KIDINS220: variants seen among roughly 807,000 people sequenced by gnomAD.
KIDINS220 encodes kinase D interacting substrate 220, also known as kinase D-interacting substrate of 220 kDa.
KIDINS220 carries 63 observed loss-of-function variants against 157.6 expected under a neutral mutation model. The ratio of observed to expected loss-of-function variants is 0.40; its 90% CI spans 0.33 to 0.49. The LOEUF is 0.49. Ranked by LOEUF, KIDINS220 falls within the 20% of genes least tolerant of loss-of-function variation. KIDINS220 has a pLI of 0.66. For missense variants in KIDINS220, 1,772 were observed against 2,171.2 expected (o/e 0.82, Z 3.65); for synonymous variants, 732 against 783.6 (o/e 0.93, Z 1.10).
At chr2:8,825,372 C>CAAAAAAAAAAAAGG (rs1678609737) in intron 2 of KIDINS220, among the ~76,000 whole-genome samples, 1 of 108,666 alleles carries the variant, frequency 9.2e-6, no homozygotes, top group Non-Finnish European at 1.8e-5. Context: ...GACTCCGTCT[C>CAAAAAAAAAAAAGG]AAAAAAAAAA....
chr2:8,780,493 C>T (rs920923519), intron 17 of KIDINS220, among the ~76,000 whole-genome samples: 8 of 149,116 alleles, frequency 5.4e-5, no homozygotes, highest in Middle Eastern at 3.4e-3. Context: ...TCCTTGATTA[C>T]GTAAGCTTAT....
chr2:8,733,761 T>G (rs1664476084), intron 28 of KIDINS220, 81 bp from the exon 29 acceptor site: 5 of 965,544 alleles, frequency 5.2e-6, no homozygotes, highest in Non-Finnish European at 7.4e-6. Context: ...ATACCAAACA[T>G]TATAAAGCTA....
At chr2:8,759,477 T>A (rs913884049) in intron 22 of KIDINS220, among the ~76,000 whole-genome samples, 1 of 151,306 alleles carries the variant, frequency 6.6e-6, no homozygotes, top group East Asian at 1.9e-4. Flanking sequence ...AGGAAACTTG[T>A]ACGCATGTAA....
chr2:8,731,185 C>T lies in KIDINS220; in HGVS notation c.4851G>A (p.Leu1617=), dbSNP rs777845730. 2 of 1,614,170 alleles carry T rather than the reference C, an allele frequency of 1.2e-6. No homozygotes were observed. Among genetic ancestry groups the T allele is most frequent in the Non-Finnish European group, 8.5e-7 (1 of 1,180,048 alleles). ...SQLEKANLIE[L]EDDSHSGKRG... The stretch of plus-strand genomic sequence containing the variant: ...GCTTTCCGCTGTGACTGTCATCTTC[C>T]AGCTCTATGAGATTTGCCTTTTCAA... The change falls in exon 30 of 30, where the codon CTG becomes CTA. Residue 1617 remains leucine, a synonymous_variant. Coordinates refer to ENST00000256707, the MANE Select transcript of KIDINS220 (RefSeq NM_020738.4). This position sits in a 1 kb window ranked among gnomAD's most constrained non-coding sequence, Gnocchi z 5.2.
At chr2:8,818,548 C>A in intron 3 of KIDINS220, 147 bp downstream of exon 3, 1 of 548,690 alleles carries the variant, frequency 1.8e-6, no homozygotes, top group East Asian at 3.1e-5. Flanking sequence ...CTGTATTACT[C>A]CTTTTAAAAA....
At position 8,729,494 on chromosome 2, in the gene KIDINS220, T is replaced by C; in HGVS notation, c.*1226A>G. 1.0e-6 allele frequency: 1 copy of C among 985,280 alleles called. No individual in the cohort carries two copies. Among genetic ancestry groups the C allele is most frequent in the Non-Finnish European group, 1.2e-6 (1 of 829,756 alleles). The allele number at this position is 985,280 out of a possible 1,614,324, so 61.0% of individuals were successfully genotyped here. A position where few individuals can be genotyped will look rare whatever the true frequency, so the allele number is the denominator to read the frequency against. ...TCATTGCATGATGACAGGGTACATTTCTAGTCCACACAGTACTTCAATGTG... is the reference window on the plus strand; with the variant it reads ...TCATTGCATGATGACAGGGTACATTCCTAGTCCACACAGTACTTCAATGTG... On this transcript the variant is annotated 3_prime_UTR_variant, in exon 30 of 30. Coordinates refer to ENST00000256707, the MANE Select transcript of KIDINS220 (RefSeq NM_020738.4).
chr2:8,733,357 A>G (rs1011937875), intron 29 of KIDINS220, 87 bp downstream of exon 29: 2 of 1,137,020 alleles, frequency 1.8e-6, no homozygotes, highest in Non-Finnish European at 2.5e-6. Context: ...CATTTTCTGA[A>G]TGACTGTCTA....
At chr2:8,824,677 C>A (rs966145480) in intron 2 of KIDINS220, among the ~76,000 whole-genome samples, 1 of 152,028 alleles carries the variant, frequency 6.6e-6, no homozygotes, top group Non-Finnish European at 1.5e-5. Flanking sequence ...GAGAACCTGT[C>A]TAAAAACAAA....
intron 7 of KIDINS220, among the ~76,000 whole-genome samples, chr2:8,805,861 C>T (rs1301740029): frequency 6.6e-6 from 1 of 152,168 alleles, no homozygotes; most frequent in African/African-American, 2.4e-5. Flanking sequence ...CAGGCCATAC[C>T]ATAGAGCCTA....
At chr2:8,740,899 G>A (rs1156739701) in intron 26 of KIDINS220, among the ~76,000 whole-genome samples, 2 of 152,136 alleles carry the variant, frequency 1.3e-5, no homozygotes, top group African/African-American at 4.8e-5. Flanking sequence ...GAGATGACTG[G>A]CAATTTGTAC....
downstream of KIDINS220, chr2:8,723,970 C>G (rs1459427129): frequency 6.6e-6 from 1 of 152,294 alleles, no homozygotes; most frequent in African/African-American, 2.4e-5. Context: ...CTTTTTGAGA[C>G]ATGTTCTCGC....
intron 2 of KIDINS220, among the ~76,000 whole-genome samples, chr2:8,823,581 C>T (rs1057339648): frequency 7.2e-5 from 11 of 151,992 alleles, no homozygotes; most frequent in African/African-American, 2.2e-4. Context: ...ATGCTTATCT[C>T]GCATGATGCT....
At chr2:8,768,354 G>A (rs901739806) in intron 22 of KIDINS220, among the ~76,000 whole-genome samples, 1 of 151,956 alleles carries the variant, frequency 6.6e-6, no homozygotes, top group Non-Finnish European at 1.5e-5. Context: ...TGAATGAACA[G>A]TGTGTCATCT....
In KIDINS220 at chr2:8,820,194, A is replaced by G. The variant is rs149874702; in HGVS notation, c.109-1401T>C. 5.4e-4 allele frequency among the ~76,000 whole-genome samples: 82 copies of G among 152,266 alleles called. 1 individual carries two copies. The highest frequency in any genetic ancestry group is 1.9e-3 in the African/African-American group (78 of 41,554). ...CCGGCCTCAACGTGTCCTCCTGCTCATTCCCACCTCCTTACTGATCCCCTA... is the reference window on the plus strand; with the variant it reads ...CCGGCCTCAACGTGTCCTCCTGCTCGTTCCCACCTCCTTACTGATCCCCTA... On this transcript the variant is annotated intron_variant, in intron 2 of 29. Coordinates refer to ENST00000256707, the MANE Select transcript of KIDINS220 (RefSeq NM_020738.4).
chr2:8,783,197 C>A (rs202187689), intron 17 of KIDINS220, among the ~76,000 whole-genome samples: 187 of 134,892 alleles, frequency 1.4e-3, no homozygotes, highest in Admixed American at 1.6e-3. Context: ...AACTCCGTCT[C>A]AAAAAAAAAA....
chr2:8,811,473 T>C lies in KIDINS220; in HGVS notation c.504+922A>G, dbSNP rs534538289. 3.3e-5 allele frequency among the ~76,000 whole-genome samples: 5 copies of C among 152,206 alleles called. No individual in the cohort carries two copies. The East Asian group carries it at 9.7e-4, about 29-fold the overall frequency. On this transcript the variant is annotated intron_variant, in intron 6 of 29. Coordinates refer to ENST00000256707, the MANE Select transcript of KIDINS220 (RefSeq NM_020738.4). ...TTAACAAAGAAGGTAACACCTCAAATAAGCCTTGAAAAATAAACAGGAGTT... is the reference window on the plus strand; with the variant it reads ...TTAACAAAGAAGGTAACACCTCAAACAAGCCTTGAAAAATAAACAGGAGTT...
In KIDINS220 at chr2:8,757,807, T is replaced by C. The variant is rs373442825; in HGVS notation, c.3012-6163A>G. 2.4e-5 allele frequency: 37 copies of C among 1,559,090 alleles called. No individual in the cohort carries two copies. The Admixed American group carries it at 2.7e-4, about 11-fold the overall frequency. Reference sequence around the variant, plus strand: ...CAGCATCTGTGTTTGAATAATAACATCTTCAGTATGGCTCTGTCCTCCTAA... The same window carrying C: ...CAGCATCTGTGTTTGAATAATAACACCTTCAGTATGGCTCTGTCCTCCTAA... On this transcript the variant is annotated intron_variant, in intron 22 of 29. Coordinates refer to ENST00000256707, the MANE Select transcript of KIDINS220 (RefSeq NM_020738.4).
intron 22 of KIDINS220, among the ~76,000 whole-genome samples, chr2:8,765,444 GGAAGGCAGTTTTTTAAAT>G (rs1572559648): frequency 6.6e-6 from 1 of 152,224 alleles, no homozygotes; most frequent in East Asian, 1.9e-4. Context: ...GAAACAGGAA[GGAAGGCAGTTTTTTAAAT>G]GATACAAAAA....
intron 10 of KIDINS220, among the ~76,000 whole-genome samples, chr2:8,797,901 A>G (rs1674187282): frequency 6.6e-6 from 1 of 152,228 alleles, no homozygotes; most frequent in African/African-American, 2.4e-5. Context: ...CCACAAAGGA[A>G]TGTGTTCAGA....
Sources: allele counts gnomAD v4.1 joint callset (sites outside exome capture counted in the v4.1 genomes callset), GRCh38; gene constraint gnomAD v4.1.1; non-coding constraint Gnocchi (gnomAD v3.1); transcripts MANE v1.5; gene names NCBI Gene and HGNC (gene_info 2026-07-23, HGNC 2026-07-21).